Variants in CLASP1 observed in about 807,000 individuals in gnomAD.
CLASP1 encodes the protein cytoplasmic linker associated protein 1.
Under a neutral mutation model 192.3 loss-of-function variants are expected in CLASP1, and 38 were observed. The observed-to-expected ratio is 0.20, with a 90% CI of 0.15 to 0.26. The LOEUF is 0.26. Among genes scored for constraint, CLASP1 ranks in the 10% least tolerant of loss-of-function variants. The probability of loss-of-function intolerance (pLI) is 1.00; values close to 1 mark genes in which losing one functional copy is unlikely to be tolerated. For synonymous variants in CLASP1, 691 were observed against 712.8 expected, an observed-to-expected ratio of 0.97 and a Z score of 0.49; for missense variants, 1,433 against 1,932.5, an observed-to-expected ratio of 0.74 and a Z score of 4.85.
intron 1 of CLASP1, among the ~76,000 whole-genome samples, chr2:121,620,537 A>G (rs928176396): frequency 6.6e-6 from 1 of 151,966 alleles, no homozygotes; most frequent in African/African-American, 2.4e-5. Flanking sequence ...TTTAGTAGAG[A>G]CGGGGTTTCA....
At chr2:121,513,909 C>A (rs1303076167) in intron 7 of CLASP1, among the ~76,000 whole-genome samples, 1 of 152,192 alleles carries the variant, frequency 6.6e-6, no homozygotes, top group Non-Finnish European at 1.5e-5. Context: ...GCCAGACTCT[C>A]AGAAGGAAAG....
chr2:121,403,300 C>T (rs185687881), intron 26 of CLASP1: 162 of 415,542 alleles, frequency 3.9e-4, no homozygotes, highest in African/African-American at 2.9e-3. Context: ...AAGGCTGGGA[C>T]CATATCTTCT....
At chr2:121,348,821 T>C in intron 37 of CLASP1, 103 bp from the exon 39 acceptor site, 1 of 1,051,770 alleles carries the variant, frequency 9.5e-7, no homozygotes, top group South Asian at 1.7e-5. Context: ...ATGACCTCAA[T>C]GTCAGACGGC....
At chr2:121,418,662 G>A (rs2078992740) in exon 23 of CLASP1, 5 of 1,613,772 alleles carry the variant, frequency 3.1e-6, no homozygotes, top group East Asian at 2.2e-5. Context: ...TATCTCGGCT[G>A]CTCTCACGGC....
At chr2:121,624,159 T>C (rs2067879598) in intron 1 of CLASP1, among the ~76,000 whole-genome samples, 1 of 152,202 alleles carries the variant, frequency 6.6e-6, no homozygotes, top group Non-Finnish European at 1.5e-5. Flanking sequence ...ATTTTATTTA[T>C]TATATTCCTT....
chr2:121,410,574 A>G (rs186971920), intron 24 of CLASP1, among the ~76,000 whole-genome samples: 362 of 152,318 alleles, frequency 2.4e-3, no homozygotes, highest in Non-Finnish European at 4.3e-3. Flanking sequence ...AAGAAGCCCA[A>G]TGACATCTGA....
chr2:121,433,102 A>C (rs1024359006), intron 19 of CLASP1, among the ~76,000 whole-genome samples: 3 of 151,282 alleles, frequency 2.0e-5, no homozygotes, highest in Non-Finnish European at 2.9e-5. Flanking sequence ...TGAGCGGATC[A>C]CCTGAGGTCA....
intron 6 of CLASP1, among the ~76,000 whole-genome samples, chr2:121,522,443 T>C (rs1258202275): frequency 1.3e-5 from 2 of 152,234 alleles, no homozygotes; most frequent in African/African-American, 2.4e-5. Flanking sequence ...AAAGTATAAC[T>C]GCCATTAAAG....
chr2:121,391,384 G>A (rs952296353), intron 30 of CLASP1, among the ~76,000 whole-genome samples: 30 of 152,296 alleles, frequency 2.0e-4, no homozygotes, highest in Admixed American at 9.2e-4. Context: ...GATTGAATCA[G>A]AGAGAAGCAG....
intron 4 of CLASP1, among the ~76,000 whole-genome samples, 192 bp downstream of exon 4, chr2:121,528,485 A>G (rs1394987866): frequency 2.6e-5 from 4 of 152,244 alleles, no homozygotes; most frequent in African/African-American, 9.6e-5. Context: ...TAATTTACTC[A>G]TCTCATAGTT....
chr2:121,453,271 G>A (rs185228609), intron 14 of CLASP1, among the ~76,000 whole-genome samples: 1 of 152,266 alleles, frequency 6.6e-6, no homozygotes, highest in Non-Finnish European at 1.5e-5. Flanking sequence ...CTCCAGTTTA[G>A]GGAACCAAGT....
chr2:121,604,154 A>G (rs2064132626), intron 2 of CLASP1, among the ~76,000 whole-genome samples: 1 of 152,246 alleles, frequency 6.6e-6, no homozygotes, highest in South Asian at 2.1e-4. Flanking sequence ...ATATTCATCA[A>G]AATATCATTA....
chr2:121,625,414 TTTTC>T (rs1440418664), intron 1 of CLASP1, among the ~76,000 whole-genome samples: 1 of 150,358 alleles, frequency 6.7e-6, no homozygotes. Context: ...GCTTGAGAGA[TTTTC>T]TTTCTTTCAT....
At chr2:121,389,017 A>T (rs1035922933) in intron 30 of CLASP1, among the ~76,000 whole-genome samples, 9 of 152,216 alleles carry the variant, frequency 5.9e-5, no homozygotes, top group Non-Finnish European at 1.2e-4. Context: ...GCTAAAATTA[A>T]TTATAGGTCC....
chr2:121,377,506 C>T (rs747918004), exon 34 of CLASP1: 3 of 1,603,474 alleles, frequency 1.9e-6, no homozygotes, highest in Admixed American at 1.7e-5. Context: ...TACAATATCA[C>T]ACTCCTTTTT....
At chr2:121,594,236 C>G (rs2062824814) in intron 2 of CLASP1, among the ~76,000 whole-genome samples, 1 of 144,778 alleles carries the variant, frequency 6.9e-6, no homozygotes, top group Non-Finnish European at 1.5e-5. Flanking sequence ...GGAGGCGGAG[C>G]TTTCAGTGAG....
chr2:121,505,723 A>T (rs912452892), intron 7 of CLASP1, among the ~76,000 whole-genome samples: 32 of 152,282 alleles, frequency 2.1e-4, no homozygotes, highest in African/African-American at 7.7e-4. Context: ...ATTTAAAATA[A>T]ATTTCTTTAC....
At chr2:121,431,118 C>T (rs997638920) in intron 19 of CLASP1, among the ~76,000 whole-genome samples, 2 of 152,048 alleles carry the variant, frequency 1.3e-5, no homozygotes, top group African/African-American at 4.8e-5. Context: ...TCTACCCCCA[C>T]AAGCGACAAA....
At chr2:121,349,458 G>A (rs1375590800) in intron 37 of CLASP1, among the ~76,000 whole-genome samples, 1 of 152,112 alleles carries the variant, frequency 6.6e-6, no homozygotes, top group East Asian at 1.9e-4. Context: ...GAGAACCTCC[G>A]CCCTAGAAGA....
Sources: allele counts gnomAD v4.1 joint callset (sites outside exome capture counted in the v4.1 genomes callset), GRCh38; gene constraint gnomAD v4.1.1; transcripts MANE v1.5; gene names NCBI Gene and HGNC (gene_info 2026-07-23, HGNC 2026-07-21).